Variants in EFCAB8 observed in about 807,000 individuals in gnomAD.
EFCAB8 encodes the protein EF-hand calcium binding domain 8.
A neutral mutation model predicts 116.3 loss-of-function variants in EFCAB8; 100 were observed. The ratio of observed to expected loss-of-function variants is 0.86; its 90% CI spans 0.73 to 1.02. The LOEUF (loss-of-function observed/expected upper bound fraction) is 1.02, where lower values mean the gene tolerates loss of function less well. Among genes scored for constraint, EFCAB8 ranks in the 50% least tolerant of loss-of-function variants. EFCAB8 has a pLI of 0.00. For synonymous variants in EFCAB8, 558 were observed against 567.9 expected (o/e 0.98, Z 0.25); for missense variants, 1,320 against 1,416.9 (o/e 0.93, Z 1.10).
intron 5 of EFCAB8, among the ~76,000 whole-genome samples, chr20:32,879,669 G>T (rs1985209679): frequency 6.6e-6 from 1 of 152,152 alleles, no homozygotes; most frequent in Non-Finnish European, 1.5e-5. Context: ...GGACAGAGGG[G>T]CGATGAGCCA....
chr20:32,952,805 T>G (rs1005516977), intron 23 of EFCAB8, among the ~76,000 whole-genome samples: 4 of 152,238 alleles, frequency 2.6e-5, no homozygotes, highest in Non-Finnish European at 5.9e-5. Context: ...AAGAACATGT[T>G]GGGTACTTTA....
chr20:32,893,802 C>T (rs542113719), intron 9 of EFCAB8, among the ~76,000 whole-genome samples: 1 of 152,188 alleles, frequency 6.6e-6, no homozygotes, highest in African/African-American at 2.4e-5. Context: ...GAGTCTGGAG[C>T]ACCCCTTGCT....
chr20:32,926,415 G>A (rs1356742555), intron 20 of EFCAB8, among the ~76,000 whole-genome samples: 1 of 134,882 alleles, frequency 7.4e-6, no homozygotes, highest in Non-Finnish European at 1.6e-5. Context: ...TGAAACTATT[G>A]TTTATTTAGC....
At chr20:32,913,620 T>C (rs879944458) in intron 17 of EFCAB8, among the ~76,000 whole-genome samples, 7 of 150,912 alleles carry the variant, frequency 4.6e-5, no homozygotes, top group Non-Finnish European at 8.8e-5. Context: ...CAAAATATCA[T>C]CTAAATATCA....
chr20:32,952,611 T>C (rs1407375808), intron 23 of EFCAB8, among the ~76,000 whole-genome samples: 1 of 152,204 alleles, frequency 6.6e-6, no homozygotes, highest in African/African-American at 2.4e-5. Flanking sequence ...TTTTAAGAAA[T>C]TTGGTTGCTT....
chr20:32,920,349 G>A, intron 20 of EFCAB8, 134 bp downstream of exon 20: 1 of 1,206,736 alleles, frequency 8.3e-7, no homozygotes, highest in Non-Finnish European at 1.1e-6. Flanking sequence ...AGGCATCTTG[G>A]AGAGGATGGA....
chr20:32,949,946 G>A (rs76736644), intron 23 of EFCAB8, among the ~76,000 whole-genome samples: 1 of 152,178 alleles, frequency 6.6e-6, no homozygotes, highest in South Asian at 2.1e-4. Context: ...GCTGCAGTGA[G>A]CCAAGATCGC....
In EFCAB8 at chr20:32,892,249, C is replaced by G; in HGVS notation, c.710C>G (p.Ala237Gly). 3.9e-6 allele frequency: 6 copies of G among 1,551,674 alleles called. No homozygotes were observed. Among genetic ancestry groups the G allele is most frequent in the Non-Finnish European group, 3.5e-6 (4 of 1,147,000 alleles). The change falls in exon 8 of 27, where the codon GCC becomes GGC. Residue 237 changes from alanine (A) to glycine (G), a missense_variant. Physicochemically the swap from Ala to Gly is moderately conservative, Grantham distance 60 (BLOSUM62 0). Transcript: ENST00000400522. ...ATTAGTGACCACAAATGTGTCCGGG[C>G]CTTCACCTTTGTTGATCTGGACAGC... Reference protein sequence around the residue: ...FDISDHKCVRAFTFVDLDSCA... With the variant: ...FDISDHKCVRGFTFVDLDSCA...
chr20:32,896,918 C>G (rs1986189063), intron 10 of EFCAB8, among the ~76,000 whole-genome samples: 1 of 152,196 alleles, frequency 6.6e-6, no homozygotes, highest in Admixed American at 6.5e-5. Flanking sequence ...AACAAAATCT[C>G]AAGTCCTTAC....
chr20:32,912,671 T>C, intron 16 of EFCAB8, 123 bp from the exon 17 acceptor site: 1 of 694,338 alleles, frequency 1.4e-6, no homozygotes. Context: ...TGGTATCACC[T>C]GTAGGTGATT....
chr20:32,960,887 G>T (rs1302480474), intron 26 of EFCAB8, among the ~76,000 whole-genome samples: 1 of 152,198 alleles, frequency 6.6e-6, no homozygotes, highest in Admixed American at 6.5e-5. Context: ...CAGTCTGCTC[G>T]CCAGCTCACA....
At chr20:32,957,872 C>T (rs1332471729) in intron 23 of EFCAB8, among the ~76,000 whole-genome samples, 3 of 151,950 alleles carry the variant, frequency 2.0e-5, no homozygotes, top group African/African-American at 7.3e-5. Context: ...TTTGCTTCTA[C>T]TGCTTTCCAG....
chr20:32,877,158 C>T (rs1450674705), intron 4 of EFCAB8, among the ~76,000 whole-genome samples: 2 of 151,116 alleles, frequency 1.3e-5, no homozygotes, highest in East Asian at 1.9e-4. Flanking sequence ...CATAGGTATA[C>T]ATTCTGGGTT....
At chr20:32,862,601 T>C (rs1984168729) in intron 1 of EFCAB8, among the ~76,000 whole-genome samples, 1 of 152,082 alleles carries the variant, frequency 6.6e-6, no homozygotes, top group Admixed American at 6.6e-5. Flanking sequence ...CGTTCAGTCT[T>C]CTCCCTCCAG....
rs1568937201 is a variant in EFCAB8, at chr20:32,931,259, C to T, written c.2713C>T (p.His905Tyr). 6.4e-7 allele frequency: 1 copy of T among 1,551,616 alleles called. No individual in the cohort carries two copies. Among genetic ancestry groups the T allele is most frequent in the Non-Finnish European group, 8.7e-7 (1 of 1,146,940 alleles). ...TGGGGCCAAGGTTGTCTCTGAAGCA[C>T]ACAACAAGTTCCGGTTGTTAATTCC... ...SSGAKVVSEAHNKFRLLIPQQ... is the reference protein window; with the variant it reads ...SSGAKVVSEAYNKFRLLIPQQ... The change falls in exon 22 of 27, where the codon CAC becomes TAC. Residue 905 changes from histidine to tyrosine, a missense_variant. His to Tyr is a moderately conservative substitution (Grantham distance 83). Transcript: ENST00000400522.
intron 11 of EFCAB8, 149 bp from the exon 12 acceptor site, chr20:32,906,413 C>T: frequency 4.8e-6 from 3 of 623,554 alleles, no homozygotes; most frequent in Non-Finnish European, 8.7e-6. Flanking sequence ...TCTGGGGCTA[C>T]TCCTCTCCTA....
Position 32,961,394 on chromosome 20 carries a change from C to A in EFCAB8, c.3652C>A (p.Pro1218Thr). The change falls in exon 27 of 27, where the codon CCC (proline) becomes ACC (threonine). Residue 1218 changes from proline (P) to threonine (T), a missense_variant. By Grantham distance (38) the Pro-to-Thr change is conservative (BLOSUM62 -1). Transcript: ENST00000400522. ...CTCCAGGCTGCTGGACTCCAGCTTG[C>A]CCACCTTCCTGACGCCCCAGTTCTC... ...SASRLLDSSL[P>T]TFLTPQFSFL... 6.9e-7 allele frequency: 1 copy of A among 1,458,210 alleles called. No individual in the cohort carries two copies. The highest frequency in any genetic ancestry group is 9.1e-7 in the Non-Finnish European group (1 of 1,103,400). The allele number at this position is 1,458,210 out of a possible 1,614,324, so 90.3% of individuals were successfully genotyped here. A position where few individuals can be genotyped will look rare whatever the true frequency, so the allele number is the denominator to read the frequency against.
intron 3 of EFCAB8, among the ~76,000 whole-genome samples, chr20:32,870,802 T>G (rs904757535): frequency 6.6e-6 from 1 of 152,006 alleles, no homozygotes; most frequent in East Asian, 1.9e-4. Flanking sequence ...GCACCCAGCC[T>G]CCTATGACCT....
intron 11 of EFCAB8, among the ~76,000 whole-genome samples, chr20:32,899,858 G>T (rs1986346200): frequency 6.6e-6 from 1 of 152,158 alleles, no homozygotes; most frequent in African/African-American, 2.4e-5. Flanking sequence ...GCAGGCACGA[G>T]CCACCGCGCC....
Sources: allele counts gnomAD v4.1 joint callset (sites outside exome capture counted in the v4.1 genomes callset), GRCh38; gene constraint gnomAD v4.1.1; transcripts MANE v1.5; gene names NCBI Gene and HGNC (gene_info 2026-07-23, HGNC 2026-07-21).